The following NDUFA10 variants were observed in gnomAD, a reference collection of about 807,000 sequenced individuals.
The protein encoded by NDUFA10 is NADH:ubiquinone oxidoreductase subunit A10, also known as NADH dehydrogenase [ubiquinone] 1 alpha subcomplex subunit 10, mitochondrial.
In NDUFA10, 40 loss-of-function variants were observed where a neutral mutation model predicts 47.8. The ratio of observed to expected loss-of-function variants is 0.84; its 90% CI spans 0.65 to 1.09. The LOEUF is 1.09. NDUFA10 is among the 50% of genes least tolerant of loss of function. The pLI, the probability that NDUFA10 is intolerant of heterozygous loss-of-function variation, is 0.00. For synonymous variants in NDUFA10, 183 were observed against 172.2 expected, an observed-to-expected ratio of 1.06 and a Z score of -0.49; for missense variants, 413 against 451.1, an observed-to-expected ratio of 0.92 and a Z score of 0.76.
rs1436900592 is a variant in NDUFA10 at position 240,005,260 on chromosome 2, T to A, written c.840A>T (p.Lys280Asn). 2 of 1,613,944 alleles carry A rather than the reference T, an allele frequency of 1.2e-6. No individual in the cohort carries two copies. The highest frequency in any genetic ancestry group is 2.7e-5 in the African/African-American group (2 of 74,894). Residue 280 changes from lysine to asparagine, a missense_variant, in exon 8 of 10, where the codon AAA becomes AAT. Physicochemically the swap from Lys to Asn is moderately conservative, Grantham distance 94. Coordinates refer to ENST00000252711, the MANE Select transcript of NDUFA10 (RefSeq NM_004544.4). ...GATTGTCCTGCTTGAGCCACGGCCC[T>A]TTATCGAACTTCAGGTATTCAATGT... ...VEDIEYLKFD[K>N]GPWLKQDNRT...
chr2:239,962,124 G>C lies in NDUFA10; in HGVS notation c.1000-938C>G, dbSNP rs576637629. ...GGAGCCAGGAGAAAGCGCTCAGCAC[G>C]GTGTGTGTCGCCCAGCGATGGCAGG... On this transcript the variant is annotated intron_variant, in intron 9 of 9. Transcript: ENST00000252711. Among the ~76,000 whole-genome samples the C allele has an allele frequency of 8.5e-5, 13 of 152,142 alleles. No homozygotes were observed. In the South Asian group the frequency reaches 2.7e-3, roughly 32 times the overall value.
chr2:239,926,580 T>C (rs1694069509), intron 4 of NDUFA10, among the ~76,000 whole-genome samples: 1 of 150,694 alleles, frequency 6.6e-6, no homozygotes. Flanking sequence ...CACTATACTT[T>C]TTATCATAAT....
chr2:239,970,299 A>G (rs1197943598), intron 9 of NDUFA10, among the ~76,000 whole-genome samples: 1 of 152,256 alleles, frequency 6.6e-6, no homozygotes, highest in African/African-American at 2.4e-5. Flanking sequence ...TTCTATATCA[A>G]AAGAAAATAC....
chr2:239,917,271 G>A (rs778349035), intron 4 of NDUFA10, among the ~76,000 whole-genome samples: 4 of 152,168 alleles, frequency 2.6e-5, no homozygotes, highest in African/African-American at 9.7e-5. Flanking sequence ...AGCAGGCAAG[G>A]CCCACACCCA....
At chr2:240,006,808 C>A (rs564505973) in intron 7 of NDUFA10, among the ~76,000 whole-genome samples, 1 of 152,180 alleles carries the variant, frequency 6.6e-6, no homozygotes, top group Admixed American at 6.5e-5. Flanking sequence ...TTAATTCTTG[C>A]ATTAACACCA....
chr2:239,956,045 G>A (rs1694646187), downstream of NDUFA10, among the ~76,000 whole-genome samples: 1 of 152,158 alleles, frequency 6.6e-6, no homozygotes, highest in South Asian at 2.1e-4. Flanking sequence ...AAGGAGCCAG[G>A]TTCCAGGCAG....
At chr2:240,007,795 T>G (rs1406843663) in intron 6 of NDUFA10, among the ~76,000 whole-genome samples, 2 of 151,916 alleles carry the variant, frequency 1.3e-5, no homozygotes, top group Non-Finnish European at 2.9e-5. Flanking sequence ...AAGGCATCTT[T>G]ACACCAGAGC....
rs1287957056 is a variant in NDUFA10, at chr2:239,958,951, T to G, written c.*2167A>C. On this transcript the variant is annotated 3_prime_UTR_variant, in exon 10 of 10. Transcript: ENST00000252711. ...ATCCTGGTTTGTTGGTGCTGTTGTT[T>G]TAGTTGTAAGAGCTTTCGTGAGACG... 8 of 985,328 alleles carry G rather than the reference T, an allele frequency of 8.1e-6. No individual in the cohort carries two copies. In the African/African-American group the frequency reaches 1.0e-4, roughly 13 times the overall value. The allele number at this position is 985,328 out of a possible 1,614,324, so 61.0% of individuals were successfully genotyped here.
chr2:240,016,926 C>T lies in NDUFA10; in HGVS notation c.547+1627G>A, dbSNP rs78933487. On this transcript the variant is annotated intron_variant, in intron 4 of 9. Coordinates refer to ENST00000252711, the MANE Select transcript of NDUFA10 (RefSeq NM_004544.4). This position sits in a 1 kb window ranked among gnomAD's most constrained non-coding sequence, Gnocchi z 4.4. ...CGGTCCACTGCCCCTGTGCATCCTT[C>T]CCCCTTAGCGGCCCACTAGCCAGGG... Among the ~76,000 whole-genome samples, 1,608 of 152,274 alleles carry T rather than the reference C, an allele frequency of 0.011. 24 individuals carry two copies. The highest frequency in any genetic ancestry group is 0.035 in the African/African-American group (1,449 of 41,550).
At chr2:239,948,180 A>C (rs1014850377) in intron 4 of NDUFA10, among the ~76,000 whole-genome samples, 1 of 152,242 alleles carries the variant, frequency 6.6e-6, no homozygotes, top group South Asian at 2.1e-4. Context: ...CCAACACTTA[A>C]GAGCTAGAAC....
intron 1 of NDUFA10, among the ~76,000 whole-genome samples, chr2:240,024,895 G>A (rs996739624): frequency 2.6e-5 from 4 of 152,224 alleles, no homozygotes; most frequent in Non-Finnish European, 4.4e-5. Flanking sequence ...GGGCTGCTAC[G>A]TGAATTATCT....
chr2:240,006,428 T>C (rs1246179165), intron 7 of NDUFA10, among the ~76,000 whole-genome samples: 2 of 152,104 alleles, frequency 1.3e-5, no homozygotes, highest in African/African-American at 4.8e-5. Flanking sequence ...ACCTCCCTCT[T>C]CTCACCCTCC....
chr2:239,941,766 A>G (rs1694365126), intron 4 of NDUFA10, among the ~76,000 whole-genome samples: 1 of 152,120 alleles, frequency 6.6e-6, no homozygotes, highest in South Asian at 2.1e-4. Flanking sequence ...AGAAAGGAAA[A>G]AAAATTCCAA....
chr2:240,024,147 T>C (rs1011907616), intron 1 of NDUFA10, among the ~76,000 whole-genome samples: 1 of 152,272 alleles, frequency 6.6e-6, no homozygotes, highest in African/African-American at 2.4e-5. Flanking sequence ...TATAAAAATG[T>C]ATTTCCAAAA....
At chr2:239,936,939 G>T (rs1367007484) in intron 4 of NDUFA10, among the ~76,000 whole-genome samples, 1 of 152,224 alleles carries the variant, frequency 6.6e-6, no homozygotes, top group South Asian at 2.1e-4. Context: ...CAGCCTGGGT[G>T]ACAGAGAGAG....
chr2:239,951,000 T>G (rs2106383994), intron 4 of NDUFA10, among the ~76,000 whole-genome samples: 1 of 152,340 alleles, frequency 6.6e-6, no homozygotes, highest in Admixed American at 6.5e-5. Context: ...CTCGTTCCTT[T>G]GTCAGGTAGT....
chr2:239,987,838 G>A lies in NDUFA10; in HGVS notation c.999+2236C>T, dbSNP rs970954199. Among the ~76,000 whole-genome samples, 4 of 152,178 alleles carry A rather than the reference G, an allele frequency of 2.6e-5. No homozygotes were observed. Among genetic ancestry groups the A allele is most frequent in the African/African-American group, 9.7e-5 (4 of 41,436 alleles). On this transcript the variant is annotated intron_variant, in intron 9 of 9. Transcript: ENST00000252711. This position sits in a 1 kb window ranked among gnomAD's most constrained non-coding sequence, Gnocchi z 4.8. The stretch of plus-strand genomic sequence containing the variant: ...AGACGACCGAGATCATGCAAAACAT[G>A]CGAGTGGGTACTCTGCTCTGGAACT...
At chr2:239,983,893 T>G (rs74002071) in intron 9 of NDUFA10, among the ~76,000 whole-genome samples, 17,981 of 152,114 alleles carry the variant, frequency 0.12, 1,252 homozygotes, top group South Asian at 0.15. Context: ...AAAAGGACAT[T>G]AGGGAAAAAC....
chr2:239,911,900 G>A (rs556139973), intron 4 of NDUFA10, among the ~76,000 whole-genome samples: 6 of 152,146 alleles, frequency 3.9e-5, no homozygotes, highest in East Asian at 1.9e-4. Context: ...GGGAGGCACC[G>A]ACTCCAGTGG....
Sources: allele counts gnomAD v4.1 joint callset (sites outside exome capture counted in the v4.1 genomes callset), GRCh38; gene constraint gnomAD v4.1.1; non-coding constraint Gnocchi (gnomAD v3.1); transcripts MANE v1.5; gene names NCBI Gene and HGNC (gene_info 2026-07-23, HGNC 2026-07-21).